The following ADHFE1 variants were observed in gnomAD, a reference collection of about 807,000 sequenced individuals.
ADHFE1 encodes hydroxyacid-oxoacid transhydrogenase, mitochondrial.
Under a neutral mutation model 54.8 loss-of-function variants are expected in ADHFE1, and 37 were observed. That is an observed-to-expected ratio of 0.68 (90% CI 0.52 to 0.89). The LOEUF (loss-of-function observed/expected upper bound fraction) is 0.89, where lower values mean the gene tolerates loss of function less well. Among genes scored for constraint, ADHFE1 ranks in the 40% least tolerant of loss-of-function variants. The pLI, the probability that ADHFE1 is intolerant of heterozygous loss-of-function variation, is 0.00. For synonymous variants in ADHFE1, 203 were observed against 229.3 expected, an observed-to-expected ratio of 0.89 and a Z score of 1.04; for missense variants, 601 against 591.2, an observed-to-expected ratio of 1.02 and a Z score of -0.17.
intron 7 of ADHFE1, among the ~76,000 whole-genome samples, chr8:66,448,579 G>A (rs1806147460): frequency 6.6e-6 from 1 of 152,084 alleles, no homozygotes; most frequent in Non-Finnish European, 1.5e-5. Context: ...CCATTTCTGT[G>A]GTGTAAATAC....
chr8:66,460,638 C>T (rs966349709), intron 13 of ADHFE1, among the ~76,000 whole-genome samples, 173 bp downstream of exon 13: 4 of 152,170 alleles, frequency 2.6e-5, no homozygotes. Flanking sequence ...AGGGCCAGGC[C>T]CTCGCCTTTC....
At chr8:66,458,854 G>A (rs990170401) in intron 12 of ADHFE1, among the ~76,000 whole-genome samples, 4 of 151,948 alleles carry the variant, frequency 2.6e-5, no homozygotes, top group African/African-American at 7.3e-5. Context: ...CAGAGATTTC[G>A]ATGGTGTTTT....
intron 13 of ADHFE1, 30 bp downstream of exon 13, chr8:66,460,495 G>A (rs1483351168): frequency 1.9e-6 from 3 of 1,543,250 alleles, no homozygotes. Context: ...CTCACTCCCT[G>A]CGAAGGAGCC....
At chr8:66,453,832 G>C in intron 9 of ADHFE1, 1 of 1,480,512 alleles carries the variant, frequency 6.8e-7, no homozygotes. Context: ...CACATGAGCA[G>C]CTGACAGCGT....
chr8:66,458,725 T>C (rs1458118229), intron 12 of ADHFE1, among the ~76,000 whole-genome samples: 2 of 152,230 alleles, frequency 1.3e-5, no homozygotes, highest in African/African-American at 4.8e-5. Context: ...TACACTTAGC[T>C]ATCCCACACG....
At chr8:66,441,801 G>A (rs182131439) in intron 2 of ADHFE1, among the ~76,000 whole-genome samples, 247 of 151,878 alleles carry the variant, frequency 1.6e-3, no homozygotes, top group Middle Eastern at 0.01. Flanking sequence ...GTGAAACCCC[G>A]TCCCTACTAA....
chr8:66,439,626 A>G lies in ADHFE1; in HGVS notation c.60-536A>G, dbSNP rs1400735538. ...CCCGGGGCTGCAACTGGGCAGAGAA[A>G]GATGGGGACCAGGGAGGTCTTTGGG... On this transcript the variant is annotated intron_variant, in intron 1 of 13. Transcript: ENST00000396623. The surrounding 1 kb of genome is among the most constrained non-coding windows in gnomAD (Gnocchi z 4.4). The G allele has an allele frequency of 2.6e-5, 26 of 985,826 alleles. No individual in the cohort carries two copies. The highest frequency in any genetic ancestry group is 2.4e-6 in the Non-Finnish European group (2 of 830,368). The allele number at this position is 985,826 out of a possible 1,614,324, so 61.1% of individuals were successfully genotyped here.
chr8:66,458,776 G>C (rs1332025841), intron 12 of ADHFE1, among the ~76,000 whole-genome samples: 1 of 152,128 alleles, frequency 6.6e-6, no homozygotes, highest in East Asian at 1.9e-4. Context: ...AGATTTCTTA[G>C]CTTAGAATAC....
chr8:66,437,546 C>T (rs1805528408), intron 1 of ADHFE1, among the ~76,000 whole-genome samples: 1 of 137,478 alleles, frequency 7.3e-6, no homozygotes, highest in African/African-American at 2.6e-5. Context: ...CCTGCCCCCA[C>T]CCCCCTCCCC....
chr8:66,457,269 A>G, intron 12 of ADHFE1, 103 bp downstream of exon 12: 12 of 1,051,380 alleles, frequency 1.1e-5, no homozygotes, highest in Non-Finnish European at 1.5e-5. Flanking sequence ...ACTTGAGCCC[A>G]GGAGTTCAAG....
At chr8:66,455,170 A>G (rs1459443284) in intron 10 of ADHFE1, among the ~76,000 whole-genome samples, 1 of 152,170 alleles carries the variant, frequency 6.6e-6, no homozygotes, top group Non-Finnish European at 1.5e-5. Context: ...GCTGGGTCAT[A>G]TGGTAATTCT....
At chr8:66,443,505 T>TG (rs1048432802) in intron 3 of ADHFE1, among the ~76,000 whole-genome samples, 10 of 152,292 alleles carry the variant, frequency 6.6e-5, no homozygotes, top group Non-Finnish European at 1.2e-4. Context: ...CTCGAACTCC[T>TG]GACCTCAGGT....
intron 6 of ADHFE1, among the ~76,000 whole-genome samples, chr8:66,446,747 C>T (rs936009031): frequency 1.6e-4 from 24 of 152,152 alleles, no homozygotes; most frequent in African/African-American, 5.6e-4. Context: ...TAAACATGCA[C>T]GTATGTTAAT....
chr8:66,444,292 C>T, intron 3 of ADHFE1, 75 bp from the exon 4 acceptor site: 1 of 1,410,594 alleles, frequency 7.1e-7, no homozygotes, highest in Non-Finnish European at 1.0e-6. Context: ...CAACAAGAAA[C>T]CATTTCAGGT....
chr8:66,435,511 C>T (rs2130328435), intron 1 of ADHFE1, among the ~76,000 whole-genome samples: 1 of 150,922 alleles, frequency 6.6e-6, no homozygotes, highest in East Asian at 2.0e-4. Flanking sequence ...TCTTTTGGGT[C>T]AAATCTCCCT....
chr8:66,446,060 C>T (rs1806007250), intron 6 of ADHFE1, among the ~76,000 whole-genome samples: 2 of 152,188 alleles, frequency 1.3e-5, no homozygotes, highest in Non-Finnish European at 2.9e-5. Context: ...CATGCACTAA[C>T]TGGTAACTGG....
rs906083743 is a variant in ADHFE1 at position 66,439,584 on chromosome 8, C to T, written c.60-578C>T. On this transcript the variant is annotated intron_variant, in intron 1 of 13. Transcript: ENST00000396623. This position sits in a 1 kb window ranked among gnomAD's most constrained non-coding sequence, Gnocchi z 4.4. The stretch of plus-strand genomic sequence containing the variant: ...CCTCTGGGGAGCGGCGCGGCGGGGA[C>T]GGAGGAGAGCTCGGAGCCCGGGGCT... 2.0e-6 allele frequency: 2 copies of T among 985,582 alleles called. No homozygotes were observed. Among genetic ancestry groups the T allele is most frequent in the African/African-American group, 1.7e-5 (1 of 57,196 alleles). 61.1% of individuals were successfully genotyped at this position (985,582 alleles called of 1,614,324 possible). A position where few individuals can be genotyped will look rare whatever the true frequency, so the allele number is the denominator to read the frequency against.
At chr8:66,453,653 A>G in intron 9 of ADHFE1, 1 of 1,349,780 alleles carries the variant, frequency 7.4e-7, no homozygotes, top group Non-Finnish European at 9.9e-7. Context: ...TCAGAGAGAA[A>G]GAGCGCTGGC....
At position 66,445,092 on chromosome 8, in the gene ADHFE1, C is replaced by T. The variant is rs531600564; in HGVS notation, c.354-126C>T. ...CTGCAGCCTGGGCAACAGAATGAGA[C>T]TCCGTCTCAAAAAAAAAACAAAAAC... On this transcript the variant is annotated intron_variant, in intron 5 of 13. Transcript: ENST00000396623. The T allele has an allele frequency of 4.6e-5, 42 of 920,018 alleles. No individual in the cohort carries two copies. The East Asian group carries it at 9.1e-4, about 20-fold the overall frequency. 57.0% of individuals were successfully genotyped at this position (920,018 alleles called of 1,614,324 possible).
Sources: gnomAD v4.1 joint callset for allele counts (sites outside exome capture counted in the v4.1 genomes callset) on GRCh38, gnomAD v4.1.1 for gene constraint, Gnocchi (gnomAD v3.1) non-coding constraint, MANE v1.5 for transcripts, NCBI Gene and HGNC (gene_info 2026-07-23, HGNC 2026-07-21) for gene names.